GALNTL6: variants seen among roughly 807,000 people sequenced by gnomAD.
GALNTL6 encodes polypeptide N-acetylgalactosaminyltransferase-like 6.
Under a neutral mutation model 73.7 loss-of-function variants are expected in GALNTL6, and 46 were observed. The observed-to-expected ratio is 0.62, with a 90% CI of 0.49 to 0.80. GALNTL6 has a LOEUF of 0.80. Among genes scored for constraint, GALNTL6 ranks in the 30% least tolerant of loss-of-function variants. The probability of loss-of-function intolerance (pLI) is 0.00; values close to 1 mark genes in which losing one functional copy is unlikely to be tolerated. For missense variants in GALNTL6, 604 were observed against 755.0 expected (o/e 0.80, Z 2.34); for synonymous variants, 259 against 263.7 (o/e 0.98, Z 0.17).
chr4:172,301,644 G>C (rs1739928679), intron 3 of GALNTL6, among the ~76,000 whole-genome samples: 1 of 152,146 alleles, frequency 6.6e-6, no homozygotes, highest in South Asian at 2.1e-4. Context: ...TCCAGACCCT[G>C]TTTTCCTGGG....
intron 7 of GALNTL6, among the ~76,000 whole-genome samples, chr4:172,834,801 A>G (rs552427923): frequency 1.3e-5 from 2 of 152,238 alleles, no homozygotes; most frequent in Admixed American, 6.5e-5. Context: ...AGGAGCCTGA[A>G]GCAAAGCAGG....
chr4:172,581,722 C>G (rs1045227224), intron 5 of GALNTL6, among the ~76,000 whole-genome samples: 2 of 152,214 alleles, frequency 1.3e-5, no homozygotes, highest in African/African-American at 2.4e-5. Flanking sequence ...GTCCTCTGAG[C>G]CTCATCCTTC....
chr4:172,720,726 T>G (rs892087110), intron 5 of GALNTL6, among the ~76,000 whole-genome samples: 1 of 152,246 alleles, frequency 6.6e-6, no homozygotes, highest in African/African-American at 2.4e-5. Flanking sequence ...CTGAGTGGCC[T>G]TATTCAATGC....
At chr4:172,710,076 A>G (rs73869602) in intron 5 of GALNTL6, among the ~76,000 whole-genome samples, 8,143 of 152,242 alleles carry the variant, frequency 0.053, 692 homozygotes, top group African/African-American at 0.17. Context: ...ATTAAAGAGT[A>G]TAAATTACTA....
At chr4:172,109,273 A>G (rs1249828048) in intron 2 of GALNTL6, among the ~76,000 whole-genome samples, 2 of 151,754 alleles carry the variant, frequency 1.3e-5, no homozygotes, top group Non-Finnish European at 2.9e-5. Flanking sequence ...TTTTTCTTGC[A>G]TAAAAGAATT....
At chr4:172,579,395 TAA>T (rs776368116) in intron 5 of GALNTL6, among the ~76,000 whole-genome samples, 1 of 152,194 alleles carries the variant, frequency 6.6e-6, no homozygotes, top group Non-Finnish European at 1.5e-5. Flanking sequence ...AAACTATATA[TAA>T]GTCTTTATCT....
At chr4:172,276,204 C>T (rs781386247) in intron 3 of GALNTL6, among the ~76,000 whole-genome samples, 5 of 152,032 alleles carry the variant, frequency 3.3e-5, no homozygotes, top group Non-Finnish European at 7.4e-5. Flanking sequence ...TTTTTATCTC[C>T]GAAGAAGAAA....
rs1343620644 is a variant in GALNTL6 at position 172,449,380 on chromosome 4, AGTT to A, written c.553+100695_553+100697del. On this transcript the variant is annotated intron_variant, in intron 5 of 12. Coordinates refer to ENST00000506823, the MANE Select transcript of GALNTL6 (RefSeq NM_001034845.3). ...AAACATTTTCAAAGAAAATTCCCAG[AGTT>A]GTTATTACACTTTCTACCTTCCATT... 2.6e-5 allele frequency among the ~76,000 whole-genome samples: 4 copies of A among 152,320 alleles called. No homozygotes were observed. The East Asian group carries it at 7.7e-4, about 29-fold the overall frequency.
intron 8 of GALNTL6, among the ~76,000 whole-genome samples, chr4:172,928,879 C>T (rs1748188134): frequency 6.6e-6 from 1 of 152,150 alleles, no homozygotes; most frequent in African/African-American, 2.4e-5. Flanking sequence ...GACTTCAGGC[C>T]TGCAGATAGA....
At chr4:172,779,367 T>C (rs533217813) in intron 5 of GALNTL6, among the ~76,000 whole-genome samples, 3 of 152,234 alleles carry the variant, frequency 2.0e-5, no homozygotes, top group South Asian at 2.1e-4. Flanking sequence ...CTCTCCTAAA[T>C]ACCTGGCAGA....
chr4:171,882,276 G>T (rs1218449490), intron 2 of GALNTL6, among the ~76,000 whole-genome samples: 3 of 152,122 alleles, frequency 2.0e-5, no homozygotes, highest in Non-Finnish European at 2.9e-5. Flanking sequence ...TATTTACAGT[G>T]TACTTGCCTG....
At chr4:172,472,847 G>A (rs570190346) in intron 5 of GALNTL6, among the ~76,000 whole-genome samples, 114 of 152,208 alleles carry the variant, frequency 7.5e-4, no homozygotes, top group African/African-American at 2.5e-3. Context: ...CTCCTGGCCC[G>A]TAGAACTGTA....
At chr4:172,780,741 T>A (rs72998107) in intron 5 of GALNTL6, among the ~76,000 whole-genome samples, 1 of 152,140 alleles carries the variant, frequency 6.6e-6, no homozygotes, top group Non-Finnish European at 1.5e-5. Context: ...TCTGTCTCCT[T>A]CCCCTTAAGA....
chr4:172,591,539 A>C (rs910028061), intron 5 of GALNTL6, among the ~76,000 whole-genome samples: 3 of 152,220 alleles, frequency 2.0e-5, no homozygotes, highest in Non-Finnish European at 2.9e-5. Context: ...TGAATGTGTT[A>C]TTTATGGTAA....
At chr4:173,004,113 T>C (rs1379468518) in intron 10 of GALNTL6, among the ~76,000 whole-genome samples, 4 of 151,952 alleles carry the variant, frequency 2.6e-5, no homozygotes, top group African/African-American at 9.7e-5. Context: ...AGTTAAAGAC[T>C]GTGGCAAGCT....
chr4:172,587,452 G>A (rs146494626), intron 5 of GALNTL6, among the ~76,000 whole-genome samples: 37 of 152,208 alleles, frequency 2.4e-4, no homozygotes, highest in African/African-American at 8.4e-4. Context: ...ACCCCTTGTC[G>A]TATCACATAT....
chr4:171,996,889 C>T (rs1418641290), intron 2 of GALNTL6, among the ~76,000 whole-genome samples: 1 of 152,068 alleles, frequency 6.6e-6, no homozygotes, highest in Non-Finnish European at 1.5e-5. Context: ...AGATATATTT[C>T]TCTCAGATAA....
At chr4:172,952,784 G>A (rs890772876) in intron 10 of GALNTL6, among the ~76,000 whole-genome samples, 3 of 152,132 alleles carry the variant, frequency 2.0e-5, no homozygotes, top group African/African-American at 7.2e-5. Context: ...CCAAAGTTTT[G>A]GGATTACAGG....
At chr4:171,926,671 C>A (rs954060361) in intron 2 of GALNTL6, among the ~76,000 whole-genome samples, 1 of 152,020 alleles carries the variant, frequency 6.6e-6, no homozygotes, top group Non-Finnish European at 1.5e-5. Flanking sequence ...TGCAGGATAT[C>A]ATTTTCTTCA....
Sources: allele counts gnomAD v4.1 joint callset (sites outside exome capture counted in the v4.1 genomes callset), GRCh38; gene constraint gnomAD v4.1.1; transcripts MANE v1.5; gene names NCBI Gene and HGNC (gene_info 2026-07-23, HGNC 2026-07-21).